RBFOX1: variants seen among roughly 807,000 people sequenced by gnomAD.
RBFOX1 encodes the protein RNA binding fox-1 homolog 1.
In RBFOX1, 8 loss-of-function variants were observed where a neutral mutation model predicts 57.7. The ratio of observed to expected loss-of-function variants is 0.14; its 90% CI spans 0.08 to 0.25. The LOEUF (loss-of-function observed/expected upper bound fraction) is 0.25, where lower values mean the gene tolerates loss of function less well. RBFOX1 is among the 10% of genes least tolerant of loss of function. The pLI, the probability that RBFOX1 is intolerant of heterozygous loss-of-function variation, is 1.00. For missense variants in RBFOX1, 611 were observed against 548.5 expected (o/e 1.11, Z -1.14); for synonymous variants, 326 against 222.4 (o/e 1.47, Z -4.15).
At chr16:6,671,135 T>C (rs1000037654) in intron 3 of RBFOX1, among the ~76,000 whole-genome samples, 1 of 152,234 alleles carries the variant, frequency 6.6e-6, no homozygotes, top group Non-Finnish European at 1.5e-5. Flanking sequence ...CATTATTTCT[T>C]ATTATTCCAG....
chr16:5,736,232 C>T (rs548337533), intron 3 of RBFOX1, among the ~76,000 whole-genome samples: 4 of 152,246 alleles, frequency 2.6e-5, no homozygotes, highest in African/African-American at 7.2e-5. Flanking sequence ...ATGAACCTGG[C>T]GTCCTGGAGA....
chr16:6,591,495 A>T (rs541710759), intron 2 of RBFOX1, among the ~76,000 whole-genome samples: 103 of 152,174 alleles, frequency 6.8e-4, no homozygotes, highest in Non-Finnish European at 1.3e-3. Context: ...TATGCATATT[A>T]TACAGAGCCC....
At chr16:6,726,268 A>T (rs932065449) in intron 3 of RBFOX1, among the ~76,000 whole-genome samples, 2 of 151,966 alleles carry the variant, frequency 1.3e-5, no homozygotes, top group African/African-American at 4.8e-5. Context: ...ATTCATTGTG[A>T]CTCTGGTTTT....
intron 4 of RBFOX1, among the ~76,000 whole-genome samples, chr16:7,102,151 C>T (rs190526794): frequency 6.6e-6 from 1 of 152,316 alleles, no homozygotes; most frequent in African/African-American, 2.4e-5. Flanking sequence ...AAAAGAAACA[C>T]TCCTCTTACT....
intron 3 of RBFOX1, among the ~76,000 whole-genome samples, chr16:7,032,694 G>A (rs907077499): frequency 1.3e-5 from 2 of 151,682 alleles, no homozygotes; most frequent in Non-Finnish European, 2.9e-5. Flanking sequence ...GTGAACACAT[G>A]GTTCATTTTC....
intron 4 of RBFOX1, among the ~76,000 whole-genome samples, chr16:7,131,341 CTT>C (rs34213849): frequency 0.11 from 7,853 of 71,636 alleles, 240 homozygotes; most frequent in Non-Finnish European, 0.12. Flanking sequence ...GCGAGACTGT[CTT>C]TTTTTTTTTT....
intron 2 of RBFOX1, among the ~76,000 whole-genome samples, chr16:6,654,209 T>G (rs1274152487): frequency 1.3e-5 from 2 of 152,130 alleles, no homozygotes; most frequent in Non-Finnish European, 2.9e-5. Context: ...CCTGATAATT[T>G]GTGTTGAAGT....
chr16:7,101,290 A>G (rs1347702195), intron 4 of RBFOX1, among the ~76,000 whole-genome samples: 1 of 152,172 alleles, frequency 6.6e-6, no homozygotes, highest in Non-Finnish European at 1.5e-5. Flanking sequence ...GCTAGCTTGG[A>G]TGAATACATG....
chr16:7,213,090 A>T (rs2091442639), intron 4 of RBFOX1, among the ~76,000 whole-genome samples: 1 of 152,176 alleles, frequency 6.6e-6, no homozygotes, highest in Admixed American at 6.5e-5. Flanking sequence ...CCAAGACTTT[A>T]CTGCTAATAG....
chr16:7,434,898 C>G (rs751832239), intron 4 of RBFOX1, among the ~76,000 whole-genome samples: 3 of 152,054 alleles, frequency 2.0e-5, no homozygotes, highest in African/African-American at 7.2e-5. Flanking sequence ...CACCACCACA[C>G]TGGGCTAATT....
At chr16:7,315,169 T>C (rs1039671046) in intron 4 of RBFOX1, among the ~76,000 whole-genome samples, 2 of 152,094 alleles carry the variant, frequency 1.3e-5, no homozygotes, top group Non-Finnish European at 2.9e-5. Context: ...TGTGTGGTGA[T>C]ATTTCTTTCC....
intron 3 of RBFOX1, among the ~76,000 whole-genome samples, chr16:6,975,449 T>C (rs1047723846): frequency 1.3e-5 from 2 of 152,068 alleles, no homozygotes; most frequent in African/African-American, 4.8e-5. Context: ...TATTTTTTAG[T>C]GGAGATGGGG....
At chr16:6,859,210 T>TAC (rs1290591620) in intron 3 of RBFOX1, among the ~76,000 whole-genome samples, 1 of 133,482 alleles carries the variant, frequency 7.5e-6, no homozygotes, top group Non-Finnish European at 1.6e-5. Flanking sequence ...TATATATATA[T>TAC]ACAAAAATTA....
intron 4 of RBFOX1, among the ~76,000 whole-genome samples, chr16:7,504,909 G>A (rs891896354): frequency 1.4e-5 from 2 of 147,338 alleles, no homozygotes; most frequent in African/African-American, 2.6e-5. Flanking sequence ...CAATAATACG[G>A]CATTTGAAGC....
intron 3 of RBFOX1, among the ~76,000 whole-genome samples, chr16:5,843,128 ATTATTT>A (rs1160005481): frequency 2.6e-5 from 4 of 152,068 alleles, no homozygotes; most frequent in Admixed American, 1.3e-4. Context: ...CGCCAGGCCT[ATTATTT>A]TTATTTTTAT....
chr16:5,879,549 C>T (rs2057709265), intron 4 of RBFOX1, among the ~76,000 whole-genome samples: 1 of 152,182 alleles, frequency 6.6e-6, no homozygotes, highest in Non-Finnish European at 1.5e-5. Context: ...TGGCTGGTCT[C>T]AAACTCCTGA....
chr16:5,660,603 G>C (rs766467756), intron 3 of RBFOX1, among the ~76,000 whole-genome samples: 3 of 152,234 alleles, frequency 2.0e-5, no homozygotes, highest in Admixed American at 2.0e-4. Context: ...GTTGCCGTTT[G>C]CTCTGTTTAG....
chr16:5,328,621 A>ATGCC (rs1356956953), intron 1 of RBFOX1, among the ~76,000 whole-genome samples: 1 of 152,172 alleles, frequency 6.6e-6, no homozygotes, highest in Non-Finnish European at 1.5e-5. Flanking sequence ...ACCAAGCCCC[A>ATGCC]TGCCTGTCTG....
chr16:6,409,441 T>C (rs1315920508), intron 2 of RBFOX1, among the ~76,000 whole-genome samples: 4 of 152,098 alleles, frequency 2.6e-5, no homozygotes, highest in Non-Finnish European at 5.9e-5. Flanking sequence ...AATAAAACTT[T>C]ACCAAACACT....
Sources: gnomAD v4.1 joint callset for allele counts (sites outside exome capture counted in the v4.1 genomes callset) on GRCh38, gnomAD v4.1.1 for gene constraint, MANE v1.5 for transcripts, NCBI Gene and HGNC (gene_info 2026-07-23, HGNC 2026-07-21) for gene names.